The following KCNB2 variants were observed in gnomAD, a reference collection of about 807,000 sequenced individuals.
KCNB2 encodes potassium voltage-gated channel subfamily B member 2, also known as delayed rectifier potassium channel protein.
In KCNB2, 15 loss-of-function variants were observed where a neutral mutation model predicts 61.5. That is an observed-to-expected ratio of 0.24 (90% confidence interval 0.16 to 0.38). KCNB2 has a LOEUF of 0.38. Among genes scored for constraint, KCNB2 ranks in the 10% least tolerant of loss-of-function variants. The pLI, the probability that KCNB2 is intolerant of heterozygous loss-of-function variation, is 1.00. For synonymous variants in KCNB2, 457 were observed against 446.0 expected (o/e 1.02, Z -0.31); for missense variants, 828 against 1,125.2 (o/e 0.74, Z 3.78).
intron 2 of KCNB2, among the ~76,000 whole-genome samples, chr8:72,670,358 A>T (rs1229946188): frequency 6.6e-6 from 1 of 152,198 alleles, no homozygotes; most frequent in Non-Finnish European, 1.5e-5. Flanking sequence ...ATTAATTCTG[A>T]TAGAAAGTTT....
chr8:72,765,276 G>A (rs1006808067), intron 2 of KCNB2, among the ~76,000 whole-genome samples: 6 of 152,168 alleles, frequency 3.9e-5, no homozygotes, highest in African/African-American at 1.4e-4. Flanking sequence ...CTAAACCTGT[G>A]AAGCCTTCAG....
intron 1 of KCNB2, among the ~76,000 whole-genome samples, chr8:72,551,344 A>G (rs1585746544): frequency 6.6e-6 from 1 of 152,102 alleles, no homozygotes; most frequent in East Asian, 1.9e-4. Context: ...GGGGGCTACC[A>G]TATTCCTCCT....
chr8:72,597,000 G>GTTTTTTTT (rs1807204450), intron 2 of KCNB2, among the ~76,000 whole-genome samples: 1 of 72,964 alleles, frequency 1.4e-5, no homozygotes, highest in African/African-American at 5.9e-5. Flanking sequence ...TTGCTTGCTT[G>GTTTTTTTT]CTTTTTTTTT....
At chr8:72,862,655 G>T (rs780246811) in intron 2 of KCNB2, among the ~76,000 whole-genome samples, 18 of 152,188 alleles carry the variant, frequency 1.2e-4, no homozygotes, top group South Asian at 4.1e-4. Context: ...TTCAATAATA[G>T]CTGGCACTCA....
intron 2 of KCNB2, 109 bp from the exon 3 acceptor site, chr8:72,935,826 G>T: frequency 1.3e-6 from 1 of 755,102 alleles, no homozygotes; most frequent in Non-Finnish European, 2.3e-6. Context: ...TAATCTTCTT[G>T]GAAGAACTTG....
At chr8:72,661,846 A>G (rs1806386071) in intron 2 of KCNB2, among the ~76,000 whole-genome samples, 1 of 152,174 alleles carries the variant, frequency 6.6e-6, no homozygotes, top group African/African-American at 2.4e-5. Flanking sequence ...AAAAATCTCT[A>G]TTTTAAACCC....
intron 2 of KCNB2, among the ~76,000 whole-genome samples, chr8:72,803,939 G>A (rs150158050): frequency 6.6e-6 from 1 of 152,182 alleles, no homozygotes; most frequent in African/African-American, 2.4e-5. Context: ...GTGCAGGCAG[G>A]AAGGCACTTT....
intron 2 of KCNB2, among the ~76,000 whole-genome samples, chr8:72,697,287 C>T (rs1807032793): frequency 6.6e-6 from 1 of 152,136 alleles, no homozygotes; most frequent in Non-Finnish European, 1.5e-5. Flanking sequence ...GGGAAAGCCT[C>T]AGATTCATAG....
chr8:72,834,424 G>A (rs892990739), intron 2 of KCNB2, among the ~76,000 whole-genome samples: 5 of 152,140 alleles, frequency 3.3e-5, no homozygotes, highest in African/African-American at 1.2e-4. Flanking sequence ...GTCAGTTCTG[G>A]AGCGATGTGA....
intron 2 of KCNB2, among the ~76,000 whole-genome samples, chr8:72,692,817 T>C (rs1408744973): frequency 6.7e-6 from 1 of 149,410 alleles, no homozygotes; most frequent in Non-Finnish European, 1.5e-5. Flanking sequence ...TTATTCATTA[T>C]ATTCATTTAT....
chr8:72,756,021 T>A (rs1382646000), intron 2 of KCNB2, among the ~76,000 whole-genome samples: 1 of 152,152 alleles, frequency 6.6e-6, no homozygotes, highest in Non-Finnish European at 1.5e-5. Flanking sequence ...TGGCCATGAC[T>A]ACCAGAAAAG....
chr8:72,576,026 A>T lies in KCNB2; in HGVS notation c.579+7713A>T, dbSNP rs528416680. Among the ~76,000 whole-genome samples the T allele has an allele frequency of 4.6e-5, 7 of 152,350 alleles. No individual in the cohort carries two copies. The East Asian group carries it at 1.3e-3, about 29-fold the overall frequency. ...TTACCCATTTGAATTGATCATTCGG[A>T]TAAAGGAAGGTGTTTTCCTTTATCA... is the stretch of plus-strand genomic sequence containing the variant. On this transcript the variant is annotated intron_variant, in intron 2 of 2. Coordinates refer to ENST00000523207, the MANE Select transcript of KCNB2 (RefSeq NM_004770.3).
intron 2 of KCNB2, among the ~76,000 whole-genome samples, chr8:72,815,593 A>G (rs904214217): frequency 2.6e-5 from 4 of 152,188 alleles, no homozygotes; most frequent in African/African-American, 9.6e-5. Flanking sequence ...GAATGAATGA[A>G]CAAACAGGGA....
At chr8:72,759,671 A>G (rs1808345422) in intron 2 of KCNB2, among the ~76,000 whole-genome samples, 1 of 152,220 alleles carries the variant, frequency 6.6e-6, no homozygotes, top group East Asian at 1.9e-4. Flanking sequence ...CTTTGGAAGC[A>G]GTGATAACTA....
rs1371277094 is a variant in KCNB2, at chr8:72,715,193, C to T, written c.579+146880C>T. 3.9e-5 allele frequency among the ~76,000 whole-genome samples: 6 copies of T among 152,314 alleles called. 1 individual carries two copies. Among genetic ancestry groups the T allele is most frequent in the Admixed American group, 2.0e-4 (3 of 15,300 alleles). ...TTAGTGACCTACAAAGAGACTTAGA[C>T]TCCCACACAATAATAATGGGAGACT... On this transcript the variant is annotated intron_variant, in intron 2 of 2. Coordinates refer to ENST00000523207, the MANE Select transcript of KCNB2 (RefSeq NM_004770.3).
chr8:72,909,070 AT>A (rs547171218), intron 2 of KCNB2, among the ~76,000 whole-genome samples: 5 of 151,936 alleles, frequency 3.3e-5, no homozygotes, highest in South Asian at 2.1e-4. Context: ...GGATAGAAGG[AT>A]TTTTTTTTAA....
intron 2 of KCNB2, among the ~76,000 whole-genome samples, chr8:72,640,058 A>T (rs1806031369): frequency 1.3e-5 from 2 of 151,872 alleles, no homozygotes; most frequent in Admixed American, 6.6e-5. Flanking sequence ...TGAGTCTAGC[A>T]TTATAGCCCA....
At position 72,938,248 on chromosome 8, in the gene KCNB2, T is replaced by A; in HGVS notation, c.*157T>A. ...TTTGCATGGCATGAACAGTTTAGCTTAAGTACTGTTTAAATAATGAGTCAA... is the reference window on the plus strand; with the variant it reads ...TTTGCATGGCATGAACAGTTTAGCTAAAGTACTGTTTAAATAATGAGTCAA... On this transcript the variant is annotated 3_prime_UTR_variant, in exon 3 of 3. Transcript: ENST00000523207. 1 of 612,110 alleles carries A rather than the reference T, an allele frequency of 1.6e-6. No individual in the cohort carries two copies. Among genetic ancestry groups the A allele is most frequent in the East Asian group, 2.8e-5 (1 of 36,074 alleles). 37.9% of individuals were successfully genotyped at this position (612,110 alleles called of 1,614,324 possible). A position where few individuals can be genotyped will look rare whatever the true frequency, so the allele number is the denominator to read the frequency against.
intron 1 of KCNB2, among the ~76,000 whole-genome samples, chr8:72,542,880 GT>G (rs776476787): frequency 5.3e-5 from 8 of 152,258 alleles, no homozygotes; most frequent in Admixed American, 1.3e-4. Context: ...TCCTAAGCCA[GT>G]TATTAGAGAC....
Sources: allele counts gnomAD v4.1 joint callset (sites outside exome capture counted in the v4.1 genomes callset), GRCh38; gene constraint gnomAD v4.1.1; transcripts MANE v1.5; gene names NCBI Gene and HGNC (gene_info 2026-07-23, HGNC 2026-07-21).